Variants in ZNF43 observed in about 807,000 individuals in gnomAD.
ZNF43 encodes zinc finger protein 43, also known as zinc finger protein 39-like 1 (KOX 27).
In ZNF43, 44 loss-of-function variants were observed where a neutral mutation model predicts 68.4. The observed-to-expected ratio is 0.64, with a 90% CI of 0.51 to 0.83. ZNF43 has a LOEUF of 0.83. ZNF43 is among the 40% of genes least tolerant of loss of function. The probability of loss-of-function intolerance (pLI) is 0.00; values close to 1 mark genes in which losing one functional copy is unlikely to be tolerated. For missense variants in ZNF43, 896 were observed against 933.2 expected (o/e 0.96, Z 0.52); for synonymous variants, 308 against 307.8 (o/e 1.00, Z -0.01).
At chr19:21,841,964 G>A (rs1175126831) in intron 1 of ZNF43, among the ~76,000 whole-genome samples, 3 of 152,192 alleles carry the variant, frequency 2.0e-5, no homozygotes, top group Non-Finnish European at 4.4e-5. Flanking sequence ...CCAACAACTA[G>A]GTGATGTGAC....
rs1177648910 is a variant in ZNF43 at position 21,807,702 on chromosome 19, T to C, written c.2335A>G (p.Thr779Ala). The C allele has an allele frequency of 1.9e-6, 3 of 1,613,330 alleles. No homozygotes were observed. Among genetic ancestry groups the C allele is most frequent in the East Asian group, 2.2e-5 (1 of 44,824 alleles). ...KAFNQYSNLT[T>A]HNKIHTGEKL... ...TCTCCAGTATGAATTTTGTTATGTG[T>C]AGTAAGGTTTGAATATTGGTTGAAA... The change falls in exon 4 of 4, where the codon ACA (threonine) becomes GCA (alanine). Residue 779 changes from threonine to alanine, a missense_variant. Transcript: ENST00000354959.
chr19:21,844,679 T>C (rs61439061), intron 1 of ZNF43, among the ~76,000 whole-genome samples: 5,102 of 150,930 alleles, frequency 0.034, 307 homozygotes, highest in African/African-American at 0.12. Flanking sequence ...AGGCGGACCA[T>C]GAGGTCAGGA....
chr19:21,820,267 A>ATATATATTAATATATTTTACATATATACT (rs2037754753), intron 1 of ZNF43, among the ~76,000 whole-genome samples: 1 of 132,070 alleles, frequency 7.6e-6, no homozygotes, highest in African/African-American at 2.9e-5. Context: ...ATATATATAC[A>ATATATATTAATATATTTTACATATATACT]CACACATATA....
intron 3 of ZNF43, among the ~76,000 whole-genome samples, chr19:21,814,128 T>TA (rs771699996): frequency 4.3e-4 from 64 of 150,088 alleles, no homozygotes; most frequent in East Asian, 5.9e-4. Flanking sequence ...ACACTAACAT[T>TA]AAAAAAAAAC....
intron 1 of ZNF43, among the ~76,000 whole-genome samples, chr19:21,844,490 A>AT (rs1967769694): frequency 6.6e-6 from 1 of 151,630 alleles, no homozygotes; most frequent in African/African-American, 2.4e-5. Flanking sequence ...GCAAAAAAAA[A>AT]GGAAACTTAG....
Position 21,809,180 on chromosome 19 carries a change from T to C in ZNF43, c.857A>G (p.Tyr286Cys). 1.2e-6 allele frequency: 2 copies of C among 1,613,456 alleles called. No individual in the cohort carries two copies. Among genetic ancestry groups the C allele is most frequent in the South Asian group, 1.1e-5 (1 of 91,062 alleles). The stretch of plus-strand genomic sequence containing the variant: ...AGCTTTGGCACATTCTTTACATTTG[T>C]AGAATTTCTCTCCAGTGCGAATTAT... ...HKIIRTGEKF[Y>C]KCKECAKAFN... Residue 286 changes from tyrosine (Y) to cysteine (C), a missense_variant, in exon 4 of 4, where the codon TAC (tyrosine) becomes TGC (cysteine). Transcript: ENST00000354959.
At chr19:21,835,355 G>T (rs2038659410) in intron 1 of ZNF43, among the ~76,000 whole-genome samples, 3 of 119,602 alleles carry the variant, frequency 2.5e-5, no homozygotes, top group Admixed American at 8.8e-5. Context: ...ATCTAGTTTA[G>T]TTTTTTTTTT....
intron 3 of ZNF43, among the ~76,000 whole-genome samples, chr19:21,811,302 C>T (rs2037258803): frequency 2.0e-5 from 3 of 151,914 alleles, no homozygotes; most frequent in Non-Finnish European, 2.9e-5. Context: ...GAGGCCAAGG[C>T]AGGTGGATTT....
At chr19:21,839,331 C>T (rs1276753289), upstream of ZNF43, among the ~76,000 whole-genome samples, 1 of 28,300 alleles carries the variant, frequency 3.5e-5, no homozygotes, top group African/African-American at 1.2e-4. Flanking sequence ...AGAGATCAGG[C>T]AAAAAAAAAA....
intron 1 of ZNF43, among the ~76,000 whole-genome samples, chr19:21,832,536 T>TA (rs1188010640): frequency 2.6e-5 from 4 of 152,148 alleles, no homozygotes; most frequent in African/African-American, 9.7e-5. Flanking sequence ...AAATGGGACC[T>TA]AATTAAACTA....
intron 1 of ZNF43, among the ~76,000 whole-genome samples, chr19:21,846,966 C>T (rs551156045): frequency 6.6e-6 from 1 of 152,298 alleles, no homozygotes; most frequent in East Asian, 1.9e-4. Flanking sequence ...CAGGCAAAAC[C>T]TAAAACCAGG....
At chr19:21,849,237 C>G (rs1968165577) in intron 1 of ZNF43, among the ~76,000 whole-genome samples, 3 of 152,068 alleles carry the variant, frequency 2.0e-5, no homozygotes, top group Admixed American at 2.0e-4. Context: ...GCCTGTAACC[C>G]CAGCACTTTG....
chr19:21,843,436 A>G (rs1028834416), intron 1 of ZNF43: 32 of 947,198 alleles, frequency 3.4e-5, no homozygotes, highest in Non-Finnish European at 3.8e-5. Context: ...CACCATCTCA[A>G]TGTAGATGAA....
At chr19:21,836,248 C>T, upstream of ZNF43, 1 of 1,389,804 alleles carries the variant, frequency 7.2e-7, no homozygotes, top group Non-Finnish European at 9.4e-7. Flanking sequence ...TGGACGGTTT[C>T]CAGCCCAGCG....
At chr19:21,846,249 G>A (rs1217234287) in intron 1 of ZNF43, among the ~76,000 whole-genome samples, 1 of 152,024 alleles carries the variant, frequency 6.6e-6, no homozygotes, top group Non-Finnish European at 1.5e-5. Context: ...TGGGCCAAGC[G>A]ATATCTCACA....
In ZNF43 at chr19:21,849,614, A is replaced by G. The variant is rs151144138; in HGVS notation, c.30+2291T>C. Reference sequence around the variant, plus strand: ...CACCTAAGGTCAGGAGTTCAAGAGCAGCCTGGCCAACATGGCAAAATCCTA... The same window carrying G: ...CACCTAAGGTCAGGAGTTCAAGAGCGGCCTGGCCAACATGGCAAAATCCTA... On this transcript the variant is annotated intron_variant, in intron 1 of 3. Coordinates refer to the ZNF43 transcript ENST00000357491. 5.7e-3 allele frequency among the ~76,000 whole-genome samples: 870 copies of G among 151,356 alleles called. 5 individuals carry two copies. The highest frequency in any genetic ancestry group is 0.018 in the African/African-American group (759 of 41,234).
At chr19:21,818,044 T>A in intron 2 of ZNF43, 58 bp from the exon 3 acceptor site, 1 of 1,494,406 alleles carries the variant, frequency 6.7e-7, no homozygotes, top group Non-Finnish European at 9.3e-7. Flanking sequence ...ATTATTAACC[T>A]AGTAATGTGT....
chr19:21,830,673 A>T (rs962312977), intron 1 of ZNF43, among the ~76,000 whole-genome samples: 2 of 149,562 alleles, frequency 1.3e-5, no homozygotes, highest in African/African-American at 2.5e-5. Context: ...GAATTCTACC[A>T]GATGTACAAA....
At chr19:21,836,355 G>C (rs74762678), upstream of ZNF43, 35,115 of 954,706 alleles carry the variant, frequency 0.037, 1,162 homozygotes, top group South Asian at 0.14. Flanking sequence ...TGACAGCCTA[G>C]GCTGCCGCCT....
Sources: gnomAD v4.1 joint callset for allele counts (sites outside exome capture counted in the v4.1 genomes callset) on GRCh38, gnomAD v4.1.1 for gene constraint, MANE v1.5 for transcripts, NCBI Gene and HGNC (gene_info 2026-07-23, HGNC 2026-07-21) for gene names.